MMP26: variants seen among roughly 807,000 people sequenced by gnomAD.
The protein encoded by MMP26 is matrix metallopeptidase 26, also known as matrix metalloproteinase-26.
Under a neutral mutation model 31.0 loss-of-function variants are expected in MMP26, and 33 were observed. That is an observed-to-expected ratio of 1.06 (90% confidence interval 0.81 to 1.42). The LOEUF (loss-of-function observed/expected upper bound fraction) is 1.42. Among genes scored for constraint, MMP26 ranks in the 40% most tolerant of loss-of-function variants. The pLI is 0.00. For synonymous variants in MMP26, 122 were observed against 114.9 expected, an observed-to-expected ratio of 1.06 and a Z score of -0.40; for missense variants, 347 against 316.1, an observed-to-expected ratio of 1.10 and a Z score of -0.74.
intron 2 of MMP26, among the ~76,000 whole-genome samples, chr11:4,985,100 G>A (rs1434017809): frequency 2.0e-5 from 3 of 152,000 alleles, no homozygotes; most frequent in Non-Finnish European, 2.9e-5. Flanking sequence ...AAGATATGTC[G>A]ATGATATTAT....
chr11:4,804,738 A>T (rs1446768601), intron 2 of MMP26: 1 of 372,348 alleles, frequency 2.7e-6, no homozygotes, highest in Non-Finnish European at 5.3e-6. Flanking sequence ...TGAGGTCAGG[A>T]GTTCAAGACC....
intron 2 of MMP26, among the ~76,000 whole-genome samples, chr11:4,966,171 A>T (rs1263048338): frequency 1.3e-5 from 2 of 152,202 alleles, no homozygotes; most frequent in African/African-American, 4.8e-5. Flanking sequence ...TATGGGGGTG[A>T]CTACTACAGT....
Position 4,710,544 on chromosome 11 carries a change from G to C in MMP26, c.-217+5499G>C, listed in dbSNP as rs185609707. ...TTTGAGTGTACTCCTTCTTTACCAA[G>C]TCTTCCCTGACCCATGTTTGATCAT... On this transcript the variant is annotated intron_variant, in intron 1 of 7. Transcript: ENST00000380390. 226 of 394,176 alleles carry C rather than the reference G, an allele frequency of 5.7e-4. 1 individual carries two copies. Among genetic ancestry groups the C allele is most frequent in the African/African-American group, 3.7e-3 (179 of 48,462 alleles). 24.4% of individuals were successfully genotyped at this position (394,176 alleles called of 1,614,324 possible).
chr11:4,816,650 T>C (rs535264248), intron 2 of MMP26, among the ~76,000 whole-genome samples: 1 of 151,074 alleles, frequency 6.6e-6, no homozygotes, highest in Non-Finnish European at 1.5e-5. Context: ...GCAACTGAAT[T>C]AGTATGAAAG....
At chr11:4,809,182 C>T (rs77549103) in intron 2 of MMP26, among the ~76,000 whole-genome samples, 4,662 of 152,132 alleles carry the variant, frequency 0.031, 100 homozygotes, top group South Asian at 0.063. Flanking sequence ...AAATCTGTTC[C>T]CCTCCACAGG....
chr11:4,757,204 G>A (rs1848515267), intron 1 of MMP26, among the ~76,000 whole-genome samples: 1 of 151,594 alleles, frequency 6.6e-6, no homozygotes, highest in Non-Finnish European at 1.5e-5. Context: ...TGTAATAAAG[G>A]TGTCAAGACA....
chr11:4,881,751 C>T (rs1015507154), intron 2 of MMP26: 2 of 737,314 alleles, frequency 2.7e-6, no homozygotes, highest in Non-Finnish European at 4.5e-6. Flanking sequence ...ATTTAACCTT[C>T]CTGGGTCCAT....
At chr11:4,829,032 G>A (rs1470433224) in intron 2 of MMP26, among the ~76,000 whole-genome samples, 1 of 152,112 alleles carries the variant, frequency 6.6e-6, no homozygotes, top group African/African-American at 2.4e-5. Flanking sequence ...GGGGACCTAA[G>A]GCTTTAGGAA....
chr11:4,844,714 C>G (rs543489544), intron 2 of MMP26, among the ~76,000 whole-genome samples: 21 of 152,170 alleles, frequency 1.4e-4, no homozygotes, highest in Non-Finnish European at 2.6e-4. Context: ...ATTCAACACC[C>G]CTTCATAATA....
chr11:4,956,441 C>G (rs1012267928), intron 2 of MMP26, among the ~76,000 whole-genome samples: 2 of 152,132 alleles, frequency 1.3e-5, no homozygotes, highest in Non-Finnish European at 2.9e-5. Context: ...CTAGTAACAC[C>G]TGTAATAAGG....
chr11:4,746,851 A>T (rs1848387734), intron 1 of MMP26, among the ~76,000 whole-genome samples: 1 of 150,624 alleles, frequency 6.6e-6, no homozygotes, highest in Non-Finnish European at 1.5e-5. Context: ...ACACACACAC[A>T]CACACACACA....
intron 2 of MMP26, chr11:4,944,677 T>G (rs1283408006): frequency 6.6e-6 from 1 of 152,112 alleles, no homozygotes; most frequent in Non-Finnish European, 1.5e-5. Flanking sequence ...GCTAAAATGA[T>G]TTTCGCAATA....
chr11:4,769,608 A>T (rs1160354159), intron 2 of MMP26: 2 of 1,612,870 alleles, frequency 1.2e-6, no homozygotes, highest in South Asian at 1.1e-5. Context: ...TGAAGAAAAA[A>T]CATCTGGACA....
intron 2 of MMP26, among the ~76,000 whole-genome samples, chr11:4,837,402 G>T (rs985758255): frequency 6.6e-6 from 1 of 151,942 alleles, no homozygotes. Context: ...TGAAGAGATG[G>T]TATATTCTTA....
intron 2 of MMP26, among the ~76,000 whole-genome samples, chr11:4,835,689 AT>A (rs1849709349): frequency 6.6e-6 from 1 of 152,154 alleles, no homozygotes; most frequent in African/African-American, 2.4e-5. Context: ...TTTCAGTTCA[AT>A]ACCTACCACT....
intron 2 of MMP26, chr11:4,944,505 T>C (rs1314317406): frequency 1.3e-5 from 2 of 154,330 alleles, no homozygotes; most frequent in Admixed American, 1.3e-4. Context: ...AGATTTTCCA[T>C]TAATTGTGAA....
At chr11:4,805,419 T>C (rs1849253816) in intron 2 of MMP26, among the ~76,000 whole-genome samples, 1 of 152,194 alleles carries the variant, frequency 6.6e-6, no homozygotes, top group Non-Finnish European at 1.5e-5. Flanking sequence ...AATTCAGCCA[T>C]TGTAGTGTGA....
At chr11:4,945,717 G>A (rs1846287690) in intron 2 of MMP26, 1 of 211,756 alleles carries the variant, frequency 4.7e-6, no homozygotes, top group Non-Finnish European at 9.4e-6. Flanking sequence ...TCCAGCACAT[G>A]TATCCCAATA....
rs1249084551 is a variant in MMP26 at position 4,803,740 on chromosome 11, A to G, written c.-145+36399A>G. ...CACGTATGACATACCAATGACAATC[A>G]TATCAAAGCCAGCCACAGAGAAGGC... On this transcript the variant is annotated intron_variant, in intron 2 of 7. Coordinates refer to ENST00000380390, the MANE Select transcript of MMP26 (RefSeq NM_021801.5). The G allele has an allele frequency of 1.3e-5, 21 of 1,613,780 alleles. No individual in the cohort carries two copies. Among genetic ancestry groups the G allele is most frequent in the Non-Finnish European group, 1.8e-5 (21 of 1,179,986 alleles).
Sources: gnomAD v4.1 joint callset for allele counts (sites outside exome capture counted in the v4.1 genomes callset) on GRCh38, gnomAD v4.1.1 for gene constraint, MANE v1.5 for transcripts, NCBI Gene and HGNC (gene_info 2026-07-23, HGNC 2026-07-21) for gene names.